The following POM121 variants were observed in gnomAD, a reference collection of about 807,000 sequenced individuals.
POM121 encodes the protein nuclear envelope pore membrane protein POM 121.
POM121 carries 32 observed loss-of-function variants against 81.3 expected under a neutral mutation model. That is an observed-to-expected ratio of 0.39 (90% confidence interval 0.30 to 0.53). The LOEUF (loss-of-function observed/expected upper bound fraction) is 0.53, where lower values mean the gene tolerates loss of function less well. Ranked by LOEUF, POM121 falls within the 20% of genes least tolerant of loss-of-function variation. The pLI, the probability that POM121 is intolerant of heterozygous loss-of-function variation, is 0.66. For synonymous variants in POM121, 514 were observed against 694.2 expected (o/e 0.74, Z 4.08); for missense variants, 1,138 against 1,614.6 (o/e 0.70, Z 5.06).
chr7:72,942,900 G>T lies in POM121; in HGVS notation c.2907G>T (p.Gln969His), dbSNP rs782549564. The T allele has an allele frequency of 1.2e-6, 2 of 1,601,466 alleles. No homozygotes were observed. Among genetic ancestry groups the T allele is most frequent in the Admixed American group, 3.4e-5 (2 of 58,124 alleles). The part of the protein sequence containing the change: ...PLPSYPGANP[Q>H]PAFGAAEGQP... ...CATCATATCCGGGAGCCAACCCCCA[G>T]CCCGCATTTGGGGCCGCTGAGGGGC... The change falls in exon 11 of 13, where the codon CAG becomes CAT. Residue 969 changes from glutamine (Q) to histidine (H), a missense_variant. This residue lies in a region of POM121 where 45 missense variants were observed against 75.7 expected (regional missense o/e 0.59). Transcript: ENST00000434423.
chr7:72,922,128 T>C (rs554292784), upstream of POM121, among the ~76,000 whole-genome samples: 3 of 152,358 alleles, frequency 2.0e-5, no homozygotes, highest in South Asian at 6.2e-4. Context: ...CTTTACTAGA[T>C]TACTAGTGAG....
intron 3 of POM121, among the ~76,000 whole-genome samples, chr7:72,898,386 A>T (rs1260440017): frequency 6.6e-6 from 1 of 152,162 alleles, no homozygotes. Flanking sequence ...GACCCACTGC[A>T]CCTGGCTTTG....
At chr7:72,890,301 G>T (rs1238540795) in intron 1 of POM121, among the ~76,000 whole-genome samples, 1 of 152,160 alleles carries the variant, frequency 6.6e-6, no homozygotes, top group Non-Finnish European at 1.5e-5. Context: ...GTGACAAGGA[G>T]TAAAATGCTT....
upstream of POM121, among the ~76,000 whole-genome samples, chr7:72,921,912 A>G (rs1794849589): frequency 6.6e-6 from 1 of 152,162 alleles, no homozygotes; most frequent in Non-Finnish European, 1.5e-5. Context: ...GTGACTATCT[A>G]CCCAGAATGG....
intron 5 of POM121, among the ~76,000 whole-genome samples, chr7:72,936,572 C>T (rs1266661088): frequency 6.6e-6 from 1 of 152,092 alleles, no homozygotes; most frequent in Non-Finnish European, 1.5e-5. Flanking sequence ...CCACCGTGCC[C>T]AGCTTGTTTT....
intron 4 of POM121, among the ~76,000 whole-genome samples, chr7:72,929,582 G>A (rs1287216096): frequency 1.3e-5 from 2 of 152,056 alleles, no homozygotes; most frequent in African/African-American, 4.8e-5. Flanking sequence ...TACACCTGTG[G>A]AACCATCCCA....
intron 3 of POM121, among the ~76,000 whole-genome samples, chr7:72,908,434 A>T (rs1793485167): frequency 6.6e-6 from 1 of 152,210 alleles, no homozygotes; most frequent in South Asian, 2.1e-4. Flanking sequence ...TACAAGGCAA[A>T]TGGAGGCAGG....
At chr7:72,901,409 C>A (rs1326607552) in intron 3 of POM121, among the ~76,000 whole-genome samples, 2 of 150,542 alleles carry the variant, frequency 1.3e-5, no homozygotes, top group Non-Finnish European at 3.0e-5. Context: ...GGCTGGAGTG[C>A]AGTGGTGTGA....
At chr7:72,908,126 A>G (rs1586108700) in intron 3 of POM121, among the ~76,000 whole-genome samples, 2 of 152,190 alleles carry the variant, frequency 1.3e-5, no homozygotes, top group South Asian at 2.1e-4. Context: ...TGAAATTACA[A>G]CGTAGTTCTT....
intron 3 of POM121, among the ~76,000 whole-genome samples, chr7:72,894,287 A>C (rs1586078184): frequency 7.2e-6 from 1 of 139,290 alleles, no homozygotes; most frequent in African/African-American, 2.9e-5. Context: ...TAAATAAATA[A>C]AGACTCTAGG....
chr7:72,945,652 T>A lies in POM121; in HGVS notation c.3596T>A (p.Leu1199His), dbSNP rs1171596578. The change falls in exon 12 of 13, where the codon CTC becomes CAC. Residue 1199 changes from leucine to histidine, a missense_variant. Leu to His is a moderately conservative substitution (Grantham distance 99). Around this residue, in one of 7 missense-constraint regions of POM121, gnomAD observed 336 missense variants for 344.3 expected, o/e 0.98. Coordinates refer to ENST00000434423, the MANE Select transcript of POM121 (RefSeq NM_001387691.1). Reference sequence around the variant, plus strand: ...GGAGTGGGCACATCAGGCAGCAGCCTCTCCTTTGGGGCATCCTCAGCACCC... The same window carrying A: ...GGAGTGGGCACATCAGGCAGCAGCCACTCCTTTGGGGCATCCTCAGCACCC... Reference protein sequence around the residue: ...APGVGTSGSSLSFGASSAPAQ... With the variant: ...APGVGTSGSSHSFGASSAPAQ... 2 of 1,613,008 alleles carry A rather than the reference T, an allele frequency of 1.2e-6. No individual in the cohort carries two copies. Among genetic ancestry groups the A allele is most frequent in the Non-Finnish European group, 1.7e-6 (2 of 1,179,494 alleles).
At chr7:72,920,003 T>G (rs1229594560) in intron 4 of POM121, among the ~76,000 whole-genome samples, 8 of 152,212 alleles carry the variant, frequency 5.3e-5, no homozygotes, top group Non-Finnish European at 1.2e-4. Flanking sequence ...AGCAATTTGA[T>G]TATGTGACTT....
upstream of POM121, among the ~76,000 whole-genome samples, chr7:72,920,477 T>G (rs1374192247): frequency 6.6e-6 from 1 of 151,386 alleles, no homozygotes; most frequent in African/African-American, 2.4e-5. Flanking sequence ...GCCTCCCGAG[T>G]AGCTGGGACT....
Position 72,903,932 on chromosome 7 carries a change from C to T in POM121, c.-215-9833C>T, listed in dbSNP as rs561778207. ...AGTAGCAGGGATTACAGGCTTGTGCCGCCACACCTGGCTAATTTTCCACCA... is the reference window on the plus strand; with the variant it reads ...AGTAGCAGGGATTACAGGCTTGTGCTGCCACACCTGGCTAATTTTCCACCA... On this transcript the variant is annotated intron_variant, in intron 3 of 15. Transcript: ENST00000395270. 7.2e-5 allele frequency among the ~76,000 whole-genome samples: 11 copies of T among 152,296 alleles called. No homozygotes were observed. The South Asian group carries it at 8.3e-4, about 11-fold the overall frequency.
At chr7:72,910,238 CCCTT>C (rs1417853049) in intron 3 of POM121, among the ~76,000 whole-genome samples, 127 of 152,260 alleles carry the variant, frequency 8.3e-4, no homozygotes, top group African/African-American at 2.8e-3. Context: ...TACTTTCCTT[CCCTT>C]CCTTCCTTTC....
chr7:72,882,366 C>T (rs531357350), intron 1 of POM121, among the ~76,000 whole-genome samples: 5 of 152,194 alleles, frequency 3.3e-5, no homozygotes, highest in South Asian at 2.1e-4. Flanking sequence ...CGACACACAC[C>T]GAAACCATAT....
At chr7:72,891,031 G>C (rs1554490831) in exon 3 of POM121, 2 of 790,094 alleles carry the variant, frequency 2.5e-6, no homozygotes, top group African/African-American at 3.5e-5. Context: ...ATATCACCAA[G>C]CCAAACGTCA....
At position 72,926,802 on chromosome 7, in the gene POM121, A is replaced by G; in HGVS notation, c.861A>G (p.Ile287Met). The change falls in exon 3 of 13, where the codon ATA becomes ATG. Residue 287 changes from isoleucine to methionine, a missense_variant and splice_region_variant. Ile to Met is a conservative substitution (Grantham distance 10). This residue lies in a region of POM121 where 646 missense variants were observed against 633.5 expected (regional missense o/e 1.02). Transcript: ENST00000434423. ...PPDRRFSRSA[I>M]PEQIISSTLS... ...GCTAGAATCTTGTCTTTCATTGTAG[A>G]CCAGAGCAGATAATCAGCTCAACAC... The G allele has an allele frequency of 6.2e-7, 1 of 1,613,780 alleles. No homozygotes were observed. The highest frequency in any genetic ancestry group is 8.5e-7 in the Non-Finnish European group (1 of 1,179,778).
chr7:72,943,512 T>C lies in POM121; in HGVS notation c.3519T>C (p.Pro1173=). 1 of 1,611,972 alleles carries C rather than the reference T, an allele frequency of 6.2e-7. No homozygotes were observed. Among genetic ancestry groups the C allele is most frequent in the South Asian group, 1.1e-5 (1 of 90,932 alleles). The change falls in exon 11 of 13, where the codon CCT becomes CCC. Residue 1173 remains proline (P), a synonymous_variant. Coordinates refer to ENST00000434423, the MANE Select transcript of POM121 (RefSeq NM_001387691.1). ...TGAGCAGCACAACTGAGAGCAAACC[T>C]GTGTTTGGAGGTAAGGAGGGGCGTG... ...FNVSSTTESK[P]VFGGTATPTF...
Sources: allele counts gnomAD v4.1 joint callset (sites outside exome capture counted in the v4.1 genomes callset), GRCh38; gene constraint gnomAD v4.1.1; regional missense constraint gnomAD v4.1.1; transcripts MANE v1.5; gene names NCBI Gene and HGNC (gene_info 2026-07-23, HGNC 2026-07-21).